Variants in STAT6 observed in about 807,000 individuals in gnomAD.
STAT6 encodes signal transducer and activator of transcription 6.
A neutral mutation model predicts 106.3 loss-of-function variants in STAT6; 45 were observed. That is an observed-to-expected ratio of 0.42 (90% CI 0.33 to 0.54). The LOEUF is 0.54. Among genes scored for constraint, STAT6 ranks in the 20% least tolerant of loss-of-function variants. The probability of loss-of-function intolerance (pLI) is 0.06; values close to 1 mark genes in which losing one functional copy is unlikely to be tolerated. For missense variants in STAT6, 797 were observed against 1,062.2 expected, an observed-to-expected ratio of 0.75 and a Z score of 3.47; for synonymous variants, 413 against 413.6, an observed-to-expected ratio of 1.00 and a Z score of 0.02.
chr12:57,107,652 C>T lies in STAT6; in HGVS notation c.208G>A (p.Glu70Lys). 6.2e-7 allele frequency: 1 copy of T among 1,614,122 alleles called. No homozygotes were observed. The highest frequency in any genetic ancestry group is 8.5e-7 in the Non-Finnish European group (1 of 1,180,010). The change falls in exon 3 of 22, where the codon GAG (glutamate) becomes AAG (lysine). Residue 70 changes from glutamate to lysine, a missense_variant. By Grantham distance (56) the Glu-to-Lys change is moderately conservative. Coordinates refer to ENST00000300134, the MANE Select transcript of STAT6 (RefSeq NM_003153.5). ...AAGATGGTGCTCCCCTCCCCCTGCT[C>T]TCCCACCGAGGCCTGAAGGTGCTGG... Reference protein sequence around the residue: ...TVQHLQASVGEQGEGSTILQH... With the variant: ...TVQHLQASVGKQGEGSTILQH...
intron 11 of STAT6, chr12:57,104,225 A>G: frequency 5.4e-6 from 3 of 553,994 alleles, no homozygotes. Flanking sequence ...GTATCATTTA[A>G]TAGAGTGCCC....
chr12:57,103,809 C>T (rs1439133835), intron 11 of STAT6: 1 of 152,426 alleles, frequency 6.6e-6, no homozygotes, highest in Non-Finnish European at 1.5e-5. Context: ...TTGTGATCTA[C>T]CCACCTCGGC....
At chr12:57,107,793 C>G in intron 2 of STAT6, 50 bp from the exon 3 acceptor site, 2 of 1,609,298 alleles carry the variant, frequency 1.2e-6, no homozygotes, top group Non-Finnish European at 1.7e-6. Context: ...TTCCTCAGCT[C>G]TCCTGACCCT....
Position 57,102,328 on chromosome 12 carries a change from A to T in STAT6, c.1474T>A (p.Phe492Ile). ...FNDNSLSMEA[F>I]QHRSVSWSQF... is the part of the protein sequence containing the mutation. ...GACCAGGACACAGAACGGTGCTGGA[A>T]GGCCTCCATACTGAGGCTGTTGTCA... The change falls in exon 13 of 22, where the codon TTC becomes ATC. Residue 492 changes from phenylalanine (F) to isoleucine (I), a missense_variant. By Grantham distance (21) the Phe-to-Ile change is conservative. This residue lies in a region of STAT6 where 222 missense variants were observed against 354.6 expected (regional missense o/e 0.63). Transcript: ENST00000300134. 1 of 1,614,168 alleles carries T rather than the reference A, an allele frequency of 6.2e-7. No individual in the cohort carries two copies. The highest frequency in any genetic ancestry group is 1.1e-5 in the South Asian group (1 of 91,080).
Position 57,096,227 on chromosome 12 carries a change from G to GC in STAT6, c.*344dup, listed in dbSNP as rs772402203. 2.9e-5 allele frequency: 7 copies of GC among 244,446 alleles called. No homozygotes were observed. The highest frequency in any genetic ancestry group is 4.5e-5 in the African/African-American group (2 of 43,978). The allele number at this position is 244,446 out of a possible 1,614,324, so 15.1% of individuals were successfully genotyped here. A position where few individuals can be genotyped will look rare whatever the true frequency, so the allele number is the denominator to read the frequency against. Reference sequence around the variant, plus strand: ...ATGCCCTAACCTGTGCTCTTACCCAGCCCCCCTCCTGCTCAGCCCCATCAC... The same window carrying GC: ...ATGCCCTAACCTGTGCTCTTACCCAGCCCCCCCTCCTGCTCAGCCCCATCAC... On this transcript the variant is annotated 3_prime_UTR_variant, in exon 22 of 22. Coordinates refer to ENST00000300134, the MANE Select transcript of STAT6 (RefSeq NM_003153.5).
chr12:57,107,036 C>A (rs1403173310), intron 4 of STAT6, among the ~76,000 whole-genome samples, 195 bp downstream of exon 4: 1 of 152,232 alleles, frequency 6.6e-6, no homozygotes. Flanking sequence ...TCCCCGGCCT[C>A]TTACCTTCAG....
chr12:57,108,573 G>A lies in STAT6; in HGVS notation c.-21-274C>T, dbSNP rs188101666. Among the ~76,000 whole-genome samples, 153 of 152,364 alleles carry A rather than the reference G, an allele frequency of 1.0e-3. 1 individual carries two copies. Among genetic ancestry groups the A allele is most frequent in the Non-Finnish European group, 3.4e-4 (23 of 68,036 alleles). On this transcript the variant is annotated intron_variant, in intron 1 of 21. Coordinates refer to ENST00000300134, the MANE Select transcript of STAT6 (RefSeq NM_003153.5). ...GCAGTAGAGCGAGAGCTCTCTTAGA[G>A]TGGCAGAGGATTTAGTTGCAGCTCT...
intron 1 of STAT6, among the ~76,000 whole-genome samples, 170 bp from the exon 2 acceptor site, chr12:57,108,469 G>A (rs997613670): frequency 6.6e-6 from 1 of 152,246 alleles, no homozygotes; most frequent in African/African-American, 2.4e-5. Flanking sequence ...TGAGATGGGG[G>A]TAACTCCTTC....
At chr12:57,102,787 C>G (rs750100085) in intron 12 of STAT6, 42 bp downstream of exon 12, 7 of 1,542,194 alleles carry the variant, frequency 4.5e-6, no homozygotes, top group Non-Finnish European at 6.3e-6. Context: ...ATGTTAGAAC[C>G]CACCCTGCCC....
Position 57,097,112 on chromosome 12 carries a change from G to A in STAT6, c.2181C>T (p.Pro727=), listed in dbSNP as rs774413695. 1.4e-5 allele frequency: 21 copies of A among 1,517,578 alleles called. No homozygotes were observed. The South Asian group carries it at 2.0e-4, about 14-fold the overall frequency. 94.0% of individuals were successfully genotyped at this position (1,517,578 alleles called of 1,614,324 possible). ...AFQEPHLQMP[P]SLGQMSLPFD... is the part of the protein sequence containing the mutation. Reference sequence around the variant, plus strand: ...AGGGCAGGCTCATCTGGCCCAGGCTGGGGGGCATCTGCAGGTGAGGCCTGG... The same window carrying A: ...AGGGCAGGCTCATCTGGCCCAGGCTAGGGGGCATCTGCAGGTGAGGCCTGG... Residue 727 remains proline (P), a synonymous_variant, in exon 20 of 22, where the codon CCC becomes CCT. Coordinates refer to ENST00000300134, the MANE Select transcript of STAT6 (RefSeq NM_003153.5).
chr12:57,106,353 G>T lies in STAT6; in HGVS notation c.532-14C>A. ...CATGGCCAGGGCCTATGGGCAGAGA[G>T]GGGCCTGAGCCAGGGCCTCACGCTG... is the stretch of plus-strand genomic sequence containing the variant. On this transcript the variant is annotated splice_polypyrimidine_tract_variant and intron_variant, in intron 6 of 21. Transcript: ENST00000300134. The T allele has an allele frequency of 6.2e-7, 1 of 1,614,204 alleles. No homozygotes were observed. Among genetic ancestry groups the T allele is most frequent in the Non-Finnish European group, 8.5e-7 (1 of 1,179,998 alleles).
Position 57,108,286 on chromosome 12 carries a change from G to C in STAT6, c.-8C>G. ...CAGACCCCACAGAGACATGATCTGG[G>C]ACTTGGAGGTTGCCTGGAGGAGAAA... On this transcript the variant is annotated 5_prime_UTR_variant, in exon 2 of 22. Transcript: ENST00000300134. 7.6e-6 allele frequency: 12 copies of C among 1,582,422 alleles called. No individual in the cohort carries two copies. Among genetic ancestry groups the C allele is most frequent in the Non-Finnish European group, 1.0e-5 (12 of 1,154,702 alleles).
chr12:57,099,208 G>T lies in STAT6; in HGVS notation c.1891+86C>A. 6.3e-7 allele frequency: 1 copy of T among 1,599,638 alleles called. No individual in the cohort carries two copies. Among genetic ancestry groups the T allele is most frequent in the South Asian group, 1.1e-5 (1 of 90,578 alleles). On this transcript the variant is annotated intron_variant, in intron 16 of 21. Transcript: ENST00000300134. The surrounding 1 kb of genome is among the most constrained non-coding windows in gnomAD (Gnocchi z 4.7). ...ATGAAATAGGGAGTGACATCAGGAT[G>T]ACACGCGGGCAGGGAGAGGAGGGCA...
chr12:57,105,671 T>C, intron 7 of STAT6, 72 bp from the exon 8 acceptor site: 2 of 1,542,026 alleles, frequency 1.3e-6, no homozygotes, highest in Non-Finnish European at 1.8e-6. Context: ...CCTTCCCCTA[T>C]ACCCAGGGAG....
intron 13 of STAT6, chr12:57,100,804 A>G (rs2033878890): frequency 2.3e-6 from 1 of 437,648 alleles, no homozygotes; most frequent in Non-Finnish European, 4.5e-6. Flanking sequence ...TAAAAGAGCA[A>G]GAGTCAGAAA....
At position 57,105,188 on chromosome 12, in the gene STAT6, G is replaced by C; in HGVS notation, c.964C>G (p.Arg322Gly). ...RADMVTEKQARELSVPQGPGA... is the reference protein window; with the variant it reads ...RADMVTEKQAGELSVPQGPGA... Reference sequence around the variant, plus strand: ...GGACCCTGAGGCACACTCAGCTCCCGCGCCTGCTTCTCTGTCACCATGTCG... The same window carrying C: ...GGACCCTGAGGCACACTCAGCTCCCCCGCCTGCTTCTCTGTCACCATGTCG... The change falls in exon 9 of 22, where the codon CGG becomes GGG. Residue 322 changes from arginine to glycine, a missense_variant. Arg to Gly is a moderately radical substitution (Grantham distance 125). Coordinates refer to ENST00000300134, the MANE Select transcript of STAT6 (RefSeq NM_003153.5). 1 of 1,613,776 alleles carries C rather than the reference G, an allele frequency of 6.2e-7. No individual in the cohort carries two copies. Among genetic ancestry groups the C allele is most frequent in the East Asian group, 2.2e-5 (1 of 44,864 alleles).
intron 2 of STAT6, 107 bp downstream of exon 2, chr12:57,108,055 TA>T: frequency 2.7e-6 from 2 of 753,486 alleles, no homozygotes; most frequent in Non-Finnish European, 2.2e-6. Flanking sequence ...ACACATGGAA[TA>T]ACAGGTCTCA....
chr12:57,100,140 G>T, intron 13 of STAT6, 50 bp from the exon 14 acceptor site: 1 of 1,505,398 alleles, frequency 6.6e-7, no homozygotes, highest in Non-Finnish European at 9.1e-7. Context: ...CAGAGCTGGA[G>T]CCTGTTTAGG....
intron 13 of STAT6, among the ~76,000 whole-genome samples, chr12:57,100,622 AAG>A (rs146410287): frequency 1.4e-5 from 2 of 146,976 alleles, no homozygotes; most frequent in East Asian, 4.1e-4. Context: ...AAGAAAGAAA[AAG>A]AGAGAAAGAG....
Sources: gnomAD v4.1 joint callset for allele counts (sites outside exome capture counted in the v4.1 genomes callset) on GRCh38, gnomAD v4.1.1 for gene constraint, gnomAD v4.1.1 regional missense constraint, Gnocchi (gnomAD v3.1) non-coding constraint, MANE v1.5 for transcripts, NCBI Gene and HGNC (gene_info 2026-07-23, HGNC 2026-07-21) for gene names.